SPECC1: variants seen among roughly 807,000 people sequenced by gnomAD.
SPECC1 encodes the protein cytospin-B.
SPECC1 carries 62 observed loss-of-function variants against 104.1 expected under a neutral mutation model. The ratio of observed to expected loss-of-function variants is 0.60; its 90% confidence interval spans 0.49 to 0.74. The LOEUF (loss-of-function observed/expected upper bound fraction) is 0.74. SPECC1 is among the 30% of genes least tolerant of loss of function. SPECC1 has a pLI of 0.00. For synonymous variants in SPECC1, 513 were observed against 501.6 expected (o/e 1.02, Z -0.30); for missense variants, 1,306 against 1,310.5 (o/e 1.00, Z 0.05).
chr17:20,170,295 GT>G (rs35404998), intron 3 of SPECC1, among the ~76,000 whole-genome samples: 1 of 152,188 alleles, frequency 6.6e-6, no homozygotes, highest in Non-Finnish European at 1.5e-5. Flanking sequence ...AAAATGTATG[GT>G]TTTAATGAAT....
chr17:20,291,393 C>G (rs2041158320), intron 12 of SPECC1, among the ~76,000 whole-genome samples: 1 of 152,200 alleles, frequency 6.6e-6, no homozygotes, highest in Admixed American at 6.5e-5. Context: ...GGCGTTCTGG[C>G]CCTGACTCTG....
At chr17:20,281,295 A>G (rs770164011) in intron 12 of SPECC1, among the ~76,000 whole-genome samples, 5 of 152,174 alleles carry the variant, frequency 3.3e-5, no homozygotes, top group Non-Finnish European at 7.3e-5. Flanking sequence ...CTATAAAAGA[A>G]AGAAAGAACC....
chr17:20,295,144 A>T (rs1179802481), intron 12 of SPECC1, among the ~76,000 whole-genome samples: 4 of 149,280 alleles, frequency 2.7e-5, no homozygotes, highest in Non-Finnish European at 5.9e-5. Flanking sequence ...TACATTAGGT[A>T]TATCTCCTAA....
chr17:20,009,415 A>C lies in SPECC1; in HGVS notation c.-31A>C, dbSNP rs138667230. ...CTGGGGGTTGCGGCGGCGCTGAGCCAGCGGGGCCGGTGAGTACTAGCCGCG... is the reference window on the plus strand; with the variant it reads ...CTGGGGGTTGCGGCGGCGCTGAGCCCGCGGGGCCGGTGAGTACTAGCCGCG... On this transcript the variant is annotated 5_prime_UTR_variant, in exon 1 of 15. Transcript: ENST00000395527. The surrounding 1 kb of genome is among the most constrained non-coding windows in gnomAD (Gnocchi z 5.2). 9,976 of 152,082 alleles carry C rather than the reference A, an allele frequency of 0.066. 356 individuals are homozygous for C. Among genetic ancestry groups the C allele is most frequent in the Non-Finnish European group, 0.081 (5,527 of 67,980 alleles). 9.4% of individuals were successfully genotyped at this position (152,082 alleles called of 1,614,324 possible).
chr17:20,195,763 C>G (rs894417252), intron 3 of SPECC1, among the ~76,000 whole-genome samples: 14 of 152,148 alleles, frequency 9.2e-5, no homozygotes, highest in African/African-American at 3.4e-4. Context: ...TTTGCCAATT[C>G]TTAATAAAAC....
intron 2 of SPECC1, among the ~76,000 whole-genome samples, chr17:20,099,270 T>A (rs1041984282): frequency 3.9e-5 from 6 of 152,224 alleles, no homozygotes; most frequent in African/African-American, 1.4e-4. Context: ...TGTTTATTAT[T>A]ATTTTTTCTA....
intron 3 of SPECC1, among the ~76,000 whole-genome samples, chr17:20,172,227 T>G (rs1362544994): frequency 6.6e-6 from 1 of 152,226 alleles, no homozygotes; most frequent in Non-Finnish European, 1.5e-5. Flanking sequence ...TCAGGGCTCC[T>G]GCATGGGCTT....
At chr17:20,297,132 T>C (rs951967763) in intron 13 of SPECC1, 55 bp downstream of exon 13, 26 of 1,488,128 alleles carry the variant, frequency 1.7e-5, no homozygotes, top group Middle Eastern at 1.7e-4. Flanking sequence ...GGAGTCCTAA[T>C]TGATAAACCC....
chr17:20,065,339 G>C lies in SPECC1; in HGVS notation c.-21-31292G>C, dbSNP rs140870793. ...CTCCTTCTCCAGTCACCAGTCTCAA[G>C]TCTGGGCCTCTGGAACTTCTGACCA... On this transcript the variant is annotated intron_variant, in intron 1 of 14. Transcript: ENST00000395527. 1.5e-3 allele frequency among the ~76,000 whole-genome samples: 225 copies of C among 152,344 alleles called. 1 individual carries two copies. The East Asian group carries it at 0.018, about 12-fold the overall frequency.
intron 12 of SPECC1, among the ~76,000 whole-genome samples, chr17:20,287,886 T>C (rs2041012133): frequency 6.6e-6 from 1 of 152,134 alleles, no homozygotes; most frequent in African/African-American, 2.4e-5. Flanking sequence ...GTTTGCTGCA[T>C]AGATCAACCC....
chr17:20,255,017 T>G (rs2039773029), intron 10 of SPECC1, among the ~76,000 whole-genome samples: 1 of 152,212 alleles, frequency 6.6e-6, no homozygotes, highest in Non-Finnish European at 1.5e-5. Flanking sequence ...GAGTGACTTA[T>G]AAAGGCTACA....
intron 1 of SPECC1, among the ~76,000 whole-genome samples, chr17:20,019,375 A>T (rs1465666401): frequency 6.6e-6 from 1 of 152,114 alleles, no homozygotes; most frequent in Non-Finnish European, 1.5e-5. Context: ...TCTCCCAGTC[A>T]GATGGTCATG....
chr17:20,026,743 C>G lies in SPECC1; in HGVS notation c.-22+17319C>G, dbSNP rs1428390336. The stretch of plus-strand genomic sequence containing the variant: ...CTGTTGTGAACAGTGTTGCAATTAA[C>G]ATGAGAGTGCATATATTTCTTCAGT... On this transcript the variant is annotated intron_variant, in intron 1 of 14. Transcript: ENST00000395527. Among the ~76,000 whole-genome samples, 2 of 152,176 alleles carry G rather than the reference C, an allele frequency of 1.3e-5. 1 individual carries two copies. Among genetic ancestry groups the G allele is most frequent in the South Asian group, 4.1e-4 (2 of 4,830 alleles).
In SPECC1 at chr17:20,062,685, G is replaced by A. The variant is rs117746669; in HGVS notation, c.-21-33946G>A. Among the ~76,000 whole-genome samples the A allele has an allele frequency of 7.5e-3, 1,114 of 148,602 alleles. 42 individuals carry two copies. The East Asian group carries it at 0.12, about 16-fold the overall frequency. ...GGTCAAAATTTCACGTATAACACAAGAAATACATTTTTTTTTTTTTTGAGA... is the reference window on the plus strand; with the variant it reads ...GGTCAAAATTTCACGTATAACACAAAAAATACATTTTTTTTTTTTTTGAGA... On this transcript the variant is annotated intron_variant, in intron 1 of 14. Coordinates refer to ENST00000395527, the MANE Select transcript of SPECC1 (RefSeq NM_001243439.2).
At chr17:20,170,859 A>G (rs1482926075) in intron 3 of SPECC1, among the ~76,000 whole-genome samples, 1 of 152,202 alleles carries the variant, frequency 6.6e-6, no homozygotes, top group African/African-American at 2.4e-5. Flanking sequence ...ATATCTAGTA[A>G]AGAACTGGTA....
At chr17:20,281,541 C>T (rs2040772183) in intron 12 of SPECC1, among the ~76,000 whole-genome samples, 2 of 152,146 alleles carry the variant, frequency 1.3e-5, no homozygotes, top group Non-Finnish European at 2.9e-5. Flanking sequence ...CTCCCAGCCT[C>T]GAGGGCTGAA....
intron 1 of SPECC1, among the ~76,000 whole-genome samples, chr17:20,069,672 A>G (rs1390344351): frequency 1.3e-5 from 2 of 152,138 alleles, no homozygotes; most frequent in South Asian, 4.1e-4. Context: ...TGGACTGTCA[A>G]TTCTATTCCA....
At chr17:20,230,662 A>G (rs2038516958) in intron 5 of SPECC1, among the ~76,000 whole-genome samples, 1 of 152,232 alleles carries the variant, frequency 6.6e-6, no homozygotes, top group South Asian at 2.1e-4. Context: ...ATATCATCAT[A>G]TATCCAAGAC....
At chr17:20,056,679 A>C (rs1050491221) in intron 1 of SPECC1, 1 of 152,844 alleles carries the variant, frequency 6.5e-6, no homozygotes, top group South Asian at 2.1e-4. Flanking sequence ...AGCTTCTGAC[A>C]ATTATGCAGA....
Sources: gnomAD v4.1 joint callset for allele counts (sites outside exome capture counted in the v4.1 genomes callset) on GRCh38, gnomAD v4.1.1 for gene constraint, Gnocchi (gnomAD v3.1) non-coding constraint, MANE v1.5 for transcripts, NCBI Gene and HGNC (gene_info 2026-07-23, HGNC 2026-07-21) for gene names.